The following MYCBP2 variants were observed in gnomAD, a reference collection of about 807,000 sequenced individuals.
MYCBP2 encodes the protein MYC binding protein 2, also known as E3 ubiquitin-protein ligase MYCBP2.
MYCBP2 carries 120 observed loss-of-function variants against 525.3 expected under a neutral mutation model. That is an observed-to-expected ratio of 0.23 (90% CI 0.20 to 0.27). MYCBP2 has a LOEUF of 0.27. Ranked by LOEUF, MYCBP2 falls within the 10% of genes least tolerant of loss-of-function variation. The pLI is 1.00. For synonymous variants in MYCBP2, 1,894 were observed against 1,955.8 expected (o/e 0.97, Z 0.83); for missense variants, 4,149 against 5,657.1 (o/e 0.73, Z 8.55).
intron 1 of MYCBP2, among the ~76,000 whole-genome samples, chr13:77,297,268 A>C (rs2078289748): frequency 6.6e-6 from 1 of 152,232 alleles, no homozygotes; most frequent in Non-Finnish European, 1.5e-5. Context: ...AAGAAACAAG[A>C]AGCAAGGAAA....
chr13:77,236,100 G>A (rs1048739139), intron 17 of MYCBP2, among the ~76,000 whole-genome samples: 2 of 152,118 alleles, frequency 1.3e-5, no homozygotes, highest in African/African-American at 2.4e-5. Flanking sequence ...TAAGACTGGA[G>A]GTAAGGCCAG....
At chr13:77,265,753 G>C (rs2073977760) in intron 8 of MYCBP2, among the ~76,000 whole-genome samples, 1 of 152,142 alleles carries the variant, frequency 6.6e-6, no homozygotes, top group Non-Finnish European at 1.5e-5. Flanking sequence ...CCAGGTCAAA[G>C]AAACAAGAAA....
chr13:77,089,044 A>G lies in MYCBP2; in HGVS notation c.10526-13T>C, dbSNP rs780479009. 1.3e-6 allele frequency: 2 copies of G among 1,589,804 alleles called. No homozygotes were observed. The highest frequency in any genetic ancestry group is 1.7e-6 in the Non-Finnish European group (2 of 1,167,382). On this transcript the variant is annotated splice_polypyrimidine_tract_variant and intron_variant, in intron 60 of 82. Coordinates refer to ENST00000544440, the MANE Select transcript of MYCBP2 (RefSeq NM_015057.5). Reference sequence around the variant, plus strand: ...GAAGAACCAACTTCTATTAAAGAAAAAGAAAATTATTAATTTTCATAGGCA... The same window carrying G: ...GAAGAACCAACTTCTATTAAAGAAAGAGAAAATTATTAATTTTCATAGGCA...
At chr13:77,128,992 T>C (rs980825542) in intron 52 of MYCBP2, among the ~76,000 whole-genome samples, 2 of 152,016 alleles carry the variant, frequency 1.3e-5, no homozygotes, top group African/African-American at 2.4e-5. Flanking sequence ...TAATAATACA[T>C]TCTTTTTGGC....
rs192153107 is a variant in MYCBP2, at chr13:77,284,833, T to G, written c.594+3328A>C. 3.5e-4 allele frequency among the ~76,000 whole-genome samples: 53 copies of G among 152,286 alleles called. No individual in the cohort carries two copies. In the East Asian group the frequency reaches 9.6e-3, roughly 28 times the overall value. On this transcript the variant is annotated intron_variant, in intron 3 of 82. Transcript: ENST00000544440. ...CATTTAAATTGTCACTACAACCCTA[T>G]GAGGTAGATGCAACCCCCAATCTAT...
chr13:77,046,834 T>G (rs1188815974), intron 82 of MYCBP2, among the ~76,000 whole-genome samples: 1 of 152,150 alleles, frequency 6.6e-6, no homozygotes, highest in Non-Finnish European at 1.5e-5. Flanking sequence ...GCTAGAAAGT[T>G]AATTATTCCT....
chr13:77,122,259 A>G (rs2050846294), intron 54 of MYCBP2, among the ~76,000 whole-genome samples: 1 of 152,206 alleles, frequency 6.6e-6, no homozygotes, highest in Non-Finnish European at 1.5e-5. Context: ...CAGCCAAAAA[A>G]GGCAAAATAA....
rs180834020 is a variant in MYCBP2, at chr13:77,261,716, C to T, written c.1647+337G>A. ...AATAATAAAGAAGTCTGAAATATTT[C>T]GAGAATTACCAAAGTGTGACACAGA... On this transcript the variant is annotated intron_variant, in intron 11 of 82. Transcript: ENST00000544440. Among the ~76,000 whole-genome samples the T allele has an allele frequency of 5.5e-4, 84 of 151,888 alleles. 1 individual carries two copies. Among genetic ancestry groups the T allele is most frequent in the Admixed American group, 4.7e-3 (72 of 15,246 alleles).
intron 16 of MYCBP2, among the ~76,000 whole-genome samples, chr13:77,243,573 A>T (rs1222356617): frequency 2.0e-5 from 3 of 151,776 alleles, no homozygotes. Context: ...AGATTGAGCT[A>T]CTGTACTCCA....
At chr13:77,280,440 G>C (rs1187488155) in intron 3 of MYCBP2, among the ~76,000 whole-genome samples, 1 of 152,138 alleles carries the variant, frequency 6.6e-6, no homozygotes, top group East Asian at 1.9e-4. Flanking sequence ...TGAAGTCAAA[G>C]ATCTCCAGAG....
chr13:77,277,658 A>C (rs1438619741), intron 4 of MYCBP2, among the ~76,000 whole-genome samples: 3 of 152,228 alleles, frequency 2.0e-5, no homozygotes, highest in East Asian at 1.9e-4. Context: ...TCAAACCAGC[A>C]TCTGTATCAC....
rs776195722 is a variant in MYCBP2, at chr13:77,098,819, A to G, written c.8335T>C (p.Leu2779=). The stretch of plus-strand genomic sequence containing the variant: ...GACCTACTGTGGGAATCTGACCTCA[A>G]CTTTGCAGCATCAGATTTTAAGATG... ...SLILKSDAAK[L]RSDSHSRSLS... The change falls in exon 56 of 83, where the codon TTG becomes CTG. Residue 2779 remains leucine, a synonymous_variant. Coordinates refer to ENST00000544440, the MANE Select transcript of MYCBP2 (RefSeq NM_015057.5). 1.2e-5 allele frequency: 20 copies of G among 1,613,570 alleles called. No individual in the cohort carries two copies. Among genetic ancestry groups the G allele is most frequent in the Admixed American group, 3.3e-5 (2 of 59,928 alleles).
Position 77,294,110 on chromosome 13 carries a change from A to ATATATATATATATG in MYCBP2, c.378+2488_378+2489insCATATATATATATA, listed in dbSNP as rs1567181683. 1.2e-4 allele frequency among the ~76,000 whole-genome samples: 6 copies of ATATATATATATATG among 51,170 alleles called. No individual in the cohort carries two copies. The East Asian group carries it at 2.7e-3, about 23-fold the overall frequency. 33.6% of individuals were successfully genotyped at this position (51,170 alleles called of 152,430 possible). ...CATAAAGTAGATATAATGGCTATATATATATATATATATATATATACATAT... is the reference window on the plus strand; with the variant it reads ...CATAAAGTAGATATAATGGCTATATATATATATATATATGTATATATATATATATATATACATAT... On this transcript the variant is annotated intron_variant, in intron 2 of 82. Coordinates refer to ENST00000544440, the MANE Select transcript of MYCBP2 (RefSeq NM_015057.5).
intron 62 of MYCBP2, among the ~76,000 whole-genome samples, chr13:77,085,727 C>CTAGGTTT (rs2044139644): frequency 6.6e-6 from 1 of 152,156 alleles, no homozygotes; most frequent in Non-Finnish European, 1.5e-5. Context: ...TCTGAACAAA[C>CTAGGTTT]CTAGGCCAGC....
chr13:77,140,707 T>G (rs1160331668), intron 50 of MYCBP2, 139 bp downstream of exon 50: 1 of 715,362 alleles, frequency 1.4e-6, no homozygotes, highest in Non-Finnish European at 2.5e-6. Context: ...CATGAACTAC[T>G]CTCTAAATTT....
intron 26 of MYCBP2, among the ~76,000 whole-genome samples, chr13:77,203,028 T>C (rs1305685026): frequency 1.3e-5 from 2 of 151,056 alleles, no homozygotes; most frequent in Admixed American, 6.6e-5. Context: ...CAACATAGTG[T>C]TGGAAGTTCT....
intron 18 of MYCBP2, among the ~76,000 whole-genome samples, chr13:77,230,474 G>A (rs1035690048): frequency 1.3e-5 from 2 of 152,096 alleles, no homozygotes; most frequent in African/African-American, 4.8e-5. Context: ...GAAATGCTTG[G>A]GACCAGAAGT....
rs750053355 is a variant in MYCBP2, at chr13:77,133,619, A to G, written c.7659+5577T>C. On this transcript the variant is annotated intron_variant, in intron 52 of 82. Transcript: ENST00000544440. ...AGAAGTAAGCCTTCTCTACTTCTACAGATTAAGTGCTGCCTGAGAAGGAAG... is the reference window on the plus strand; with the variant it reads ...AGAAGTAAGCCTTCTCTACTTCTACGGATTAAGTGCTGCCTGAGAAGGAAG... Among the ~76,000 whole-genome samples the G allele has an allele frequency of 1.9e-3, 282 of 152,312 alleles. 1 individual carries two copies. Among genetic ancestry groups the G allele is most frequent in the Non-Finnish European group, 2.1e-3 (146 of 68,018 alleles).
chr13:77,292,965 A>AAG (rs1227014984), intron 2 of MYCBP2, among the ~76,000 whole-genome samples: 1 of 151,194 alleles, frequency 6.6e-6, no homozygotes, highest in Non-Finnish European at 1.5e-5. Flanking sequence ...TCTCAAAAAA[A>AAG]AAAAAAAAAA....
Sources: gnomAD v4.1 joint callset for allele counts (sites outside exome capture counted in the v4.1 genomes callset) on GRCh38, gnomAD v4.1.1 for gene constraint, MANE v1.5 for transcripts, NCBI Gene and HGNC (gene_info 2026-07-23, HGNC 2026-07-21) for gene names.